AQP9: variants seen among roughly 807,000 people sequenced by gnomAD.
AQP9 encodes the protein aquaporin-9.
Under a neutral mutation model 23.8 loss-of-function variants are expected in AQP9, and 19 were observed. The observed-to-expected ratio is 0.80, with a 90% CI of 0.56 to 1.17. The LOEUF (loss-of-function observed/expected upper bound fraction) is 1.17, where lower values mean the gene tolerates loss of function less well. AQP9 is among the 50% of genes most tolerant of loss of function. AQP9 has a pLI of 0.00. For synonymous variants in AQP9, 153 were observed against 131.5 expected, an observed-to-expected ratio of 1.16 and a Z score of -1.12; for missense variants, 413 against 362.0, an observed-to-expected ratio of 1.14 and a Z score of -1.14.
chr15:58,147,018 G>A (rs566081198), intron 1 of AQP9: 1 of 152,296 alleles, frequency 6.6e-6, no homozygotes, highest in South Asian at 2.1e-4. Context: ...GAACGTGGAG[G>A]ACCAGGCTCA....
rs189791126 is a variant in AQP9, at chr15:58,149,596, T to G, written c.111+10920T>G. On this transcript the variant is annotated intron_variant, in intron 1 of 5. Coordinates refer to ENST00000219919, the MANE Select transcript of AQP9 (RefSeq NM_020980.5). ...CTCACAAAATTTACTCAATATAGAT[T>G]AGTTGTTATTGGTATTATTGTTATC... Among the ~76,000 whole-genome samples the G allele has an allele frequency of 3.3e-3, 504 of 152,290 alleles. 3 individuals carry two copies. The highest frequency in any genetic ancestry group is 5.7e-3 in the Non-Finnish European group (385 of 68,010).
intron 3 of AQP9, 97 bp downstream of exon 3, chr15:58,173,302 G>A: frequency 6.5e-7 from 1 of 1,534,170 alleles, no homozygotes; most frequent in Non-Finnish European, 8.9e-7. Flanking sequence ...AGCAAGGACG[G>A]GAAGCATTCT....
intron 3 of AQP9, among the ~76,000 whole-genome samples, chr15:58,174,493 G>A (rs1306604958): frequency 6.6e-6 from 1 of 152,048 alleles, no homozygotes; most frequent in African/African-American, 2.4e-5. Context: ...TGGCTCTAAG[G>A]GCATCTTCAG....
At chr15:58,183,647 T>C (rs1228044446) in intron 5 of AQP9, among the ~76,000 whole-genome samples, 3 of 152,158 alleles carry the variant, frequency 2.0e-5, no homozygotes, top group Non-Finnish European at 4.4e-5. Context: ...TTCTGAATAA[T>C]TGACCTGAAC....
At chr15:58,152,351 C>A (rs1376408794) in intron 1 of AQP9, 1 of 152,120 alleles carries the variant, frequency 6.6e-6, no homozygotes, top group Non-Finnish European at 1.5e-5. Flanking sequence ...GATCTTTACT[C>A]CCTACATATA....
At position 58,184,008 on chromosome 15, in the gene AQP9, G is replaced by A. The variant is rs763666523; in HGVS notation, c.761G>A (p.Gly254Asp). The A allele has an allele frequency of 6.2e-7, 1 of 1,614,124 alleles. No individual in the cohort carries two copies. The highest frequency in any genetic ancestry group is 2.2e-5 in the East Asian group (1 of 44,868). Residue 254 changes from glycine (G) to aspartate (D), a missense_variant, in exon 6 of 6, where the codon GGT becomes GAT. Gly to Asp is a moderately conservative substitution (Grantham distance 94, BLOSUM62 -1). Transcript: ENST00000219919. ...WWIPVVGPLV[G>D]AVIGGLIYVL... ...ATTCCTGTAGTGGGCCCTTTGGTTG[G>A]TGCTGTCATTGGAGGCCTCATCTAT...
At chr15:58,153,319 A>T (rs1898186001) in intron 1 of AQP9, 1 of 152,148 alleles carries the variant, frequency 6.6e-6, no homozygotes, top group African/African-American at 2.4e-5. Context: ...AGAAGGCCCA[A>T]CCCCAGTTTC....
chr15:58,170,413 C>CT (rs57080327), intron 2 of AQP9, among the ~76,000 whole-genome samples: 2,319 of 145,342 alleles, frequency 0.016, 55 homozygotes, highest in African/African-American at 0.053. Flanking sequence ...CTTCAACTTT[C>CT]TTTTTTTTTT....
chr15:58,142,716 C>A (rs948247652), intron 1 of AQP9, among the ~76,000 whole-genome samples: 1 of 152,192 alleles, frequency 6.6e-6, no homozygotes, highest in African/African-American at 2.4e-5. Flanking sequence ...TCAAGAGACC[C>A]CATAACTTCT....
intron 1 of AQP9, among the ~76,000 whole-genome samples, chr15:58,149,841 C>A (rs576837599): frequency 8.5e-4 from 130 of 152,178 alleles, no homozygotes; most frequent in Non-Finnish European, 1.7e-3. Context: ...CTAAATGACT[C>A]CCTTCTCAAG....
At chr15:58,167,535 C>T (rs1324043815) in intron 2 of AQP9, among the ~76,000 whole-genome samples, 3 of 152,152 alleles carry the variant, frequency 2.0e-5, no homozygotes, top group African/African-American at 7.2e-5. Context: ...ATCTCCCTCT[C>T]CTTTACAACA....
At chr15:58,166,206 A>C (rs1197733703) in intron 1 of AQP9, among the ~76,000 whole-genome samples, 1 of 152,146 alleles carries the variant, frequency 6.6e-6, no homozygotes, top group African/African-American at 2.4e-5. Flanking sequence ...GGGAAGGCAT[A>C]AGCTCTGTTT....
chr15:58,178,582 A>AACGGGT (rs1385492202), intron 4 of AQP9, among the ~76,000 whole-genome samples: 1 of 152,242 alleles, frequency 6.6e-6, no homozygotes, highest in African/African-American at 2.4e-5. Context: ...AGCCTGAAAT[A>AACGGGT]ACGGGTATCT....
chr15:58,140,197 CTTTTT>C (rs67540225), intron 1 of AQP9, among the ~76,000 whole-genome samples: 2 of 131,650 alleles, frequency 1.5e-5, no homozygotes, highest in Non-Finnish European at 1.7e-5. Context: ...AACTACACAT[CTTTTT>C]TTTTTTTTTT....
chr15:58,154,508 C>T (rs1269040493), intron 1 of AQP9: 1 of 152,080 alleles, frequency 6.6e-6, no homozygotes, highest in Non-Finnish European at 1.5e-5. Flanking sequence ...CGACAGAATC[C>T]TCACGCAACC....
chr15:58,175,082 C>T, intron 4 of AQP9, 46 bp downstream of exon 4: 1 of 1,482,816 alleles, frequency 6.7e-7, no homozygotes, highest in Middle Eastern at 1.7e-4. Flanking sequence ...AAAAGATATG[C>T]TCTCATAAGG....
intron 1 of AQP9, chr15:58,153,443 A>G (rs1898188614): frequency 6.6e-6 from 1 of 152,130 alleles, no homozygotes; most frequent in South Asian, 2.1e-4. Flanking sequence ...TAGGGGCATC[A>G]CCACATTATT....
At chr15:58,161,081 C>G (rs2414538) in intron 1 of AQP9, among the ~76,000 whole-genome samples, 1 of 152,010 alleles carries the variant, frequency 6.6e-6, no homozygotes, top group South Asian at 2.1e-4. Flanking sequence ...ATTTCCTGAG[C>G]AATGGGGAGG....
At chr15:58,161,436 A>C (rs1898381212) in intron 1 of AQP9, among the ~76,000 whole-genome samples, 1 of 152,170 alleles carries the variant, frequency 6.6e-6, no homozygotes, top group South Asian at 2.1e-4. Context: ...TTGCTTTCCT[A>C]CAAAAAGCAC....
Sources: gnomAD v4.1 joint callset for allele counts (sites outside exome capture counted in the v4.1 genomes callset) on GRCh38, gnomAD v4.1.1 for gene constraint, MANE v1.5 for transcripts, NCBI Gene and HGNC (gene_info 2026-07-23, HGNC 2026-07-21) for gene names.